Variants in MARCHF3 observed in about 807,000 individuals in gnomAD.
MARCHF3 encodes membrane associated ring-CH-type finger 3.
In MARCHF3, 13 loss-of-function variants were observed where a neutral mutation model predicts 24.2. That is an observed-to-expected ratio of 0.54 (90% CI 0.35 to 0.85). The LOEUF is 0.85. MARCHF3 is among the 40% of genes least tolerant of loss of function. The probability of loss-of-function intolerance (pLI) is 0.01; values close to 1 mark genes in which losing one functional copy is unlikely to be tolerated. For missense variants in MARCHF3, 276 were observed against 325.0 expected (o/e 0.85, Z 1.16); for synonymous variants, 144 against 137.3 (o/e 1.05, Z -0.34).
chr5:126,883,571 C>G (rs907494172), intron 3 of MARCHF3, among the ~76,000 whole-genome samples: 13 of 152,210 alleles, frequency 8.5e-5, no homozygotes, highest in African/African-American at 3.1e-4. Flanking sequence ...TACCTTGCCA[C>G]AGCATCATTC....
chr5:126,915,679 T>A (rs1390906550), intron 2 of MARCHF3, among the ~76,000 whole-genome samples: 7 of 152,188 alleles, frequency 4.6e-5, no homozygotes, highest in African/African-American at 1.7e-4. Context: ...TGGTGGATTG[T>A]CCTTTGAGCT....
intron 1 of MARCHF3, among the ~76,000 whole-genome samples, chr5:127,025,792 A>G (rs1752974782): frequency 6.6e-6 from 1 of 152,188 alleles, no homozygotes; most frequent in East Asian, 1.9e-4. Context: ...TACTACTGCT[A>G]TCATTAAATC....
intron 1 of MARCHF3, among the ~76,000 whole-genome samples, chr5:126,991,636 G>C (rs1320314711): frequency 6.6e-6 from 1 of 151,818 alleles, no homozygotes; most frequent in Admixed American, 6.6e-5. Flanking sequence ...CAGGAGAATC[G>C]CTTGAACCCA....
At chr5:126,917,866 A>C (rs1580640928) in intron 2 of MARCHF3, 118 bp downstream of exon 2, 12 of 946,796 alleles carry the variant, frequency 1.3e-5, no homozygotes, top group South Asian at 4.5e-5. Context: ...TTTTTCCAGC[A>C]CCTCCTCTCA....
intron 1 of MARCHF3, among the ~76,000 whole-genome samples, chr5:127,024,465 T>G (rs2126866088): frequency 6.6e-6 from 1 of 152,332 alleles, no homozygotes; most frequent in African/African-American, 2.4e-5. Context: ...ATAAGGGTTC[T>G]GCCTGAAGAA....
chr5:126,967,137 T>A (rs1344427025), intron 1 of MARCHF3, among the ~76,000 whole-genome samples: 3 of 151,682 alleles, frequency 2.0e-5, no homozygotes, highest in Non-Finnish European at 4.4e-5. Context: ...TCTGCTAAGA[T>A]AATCAAGTTA....
At chr5:126,965,822 G>T (rs1403314848) in intron 1 of MARCHF3, among the ~76,000 whole-genome samples, 1 of 152,284 alleles carries the variant, frequency 6.6e-6, no homozygotes, top group East Asian at 1.9e-4. Context: ...AAGGAGTTTG[G>T]CAGTCTCTTA....
At chr5:126,875,055 C>T (rs1753102644) in intron 4 of MARCHF3, among the ~76,000 whole-genome samples, 1 of 152,190 alleles carries the variant, frequency 6.6e-6, no homozygotes, top group South Asian at 2.1e-4. Context: ...CAATTCTCCT[C>T]CAAACTCCAA....
At chr5:126,944,498 G>A (rs115635177) in intron 1 of MARCHF3, among the ~76,000 whole-genome samples, 26 of 152,292 alleles carry the variant, frequency 1.7e-4, no homozygotes, top group African/African-American at 6.3e-4. Flanking sequence ...CAGGGGAACT[G>A]CTTGAGCCCA....
intron 1 of MARCHF3, among the ~76,000 whole-genome samples, chr5:126,927,579 G>A (rs1749337179): frequency 6.6e-6 from 1 of 152,124 alleles, no homozygotes. Context: ...GGTACAGAGT[G>A]GCCTCTCTTC....
chr5:126,969,942 G>T (rs1291754214), intron 1 of MARCHF3, among the ~76,000 whole-genome samples: 1 of 152,158 alleles, frequency 6.6e-6, no homozygotes, highest in Non-Finnish European at 1.5e-5. Context: ...GAAGCTAGGT[G>T]ACTCTCCTTG....
chr5:126,883,568 C>T (rs572762596), intron 3 of MARCHF3, among the ~76,000 whole-genome samples: 1 of 152,326 alleles, frequency 6.6e-6, no homozygotes, highest in East Asian at 1.9e-4. Flanking sequence ...TACTACCTTG[C>T]CACAGCATCA....
chr5:126,920,145 C>T (rs1561427810), intron 1 of MARCHF3, among the ~76,000 whole-genome samples: 3 of 151,904 alleles, frequency 2.0e-5, no homozygotes, highest in Admixed American at 1.3e-4. Context: ...TTCAGAAAAC[C>T]CCAGTAAATT....
At chr5:127,000,694 T>TTA (rs1014836361) in intron 1 of MARCHF3, among the ~76,000 whole-genome samples, 5 of 152,184 alleles carry the variant, frequency 3.3e-5, no homozygotes, top group African/African-American at 1.2e-4. Context: ...TTATTTTTAT[T>TTA]TTTATTTATT....
At chr5:126,984,755 C>T (rs1751504658) in intron 1 of MARCHF3, among the ~76,000 whole-genome samples, 1 of 152,168 alleles carries the variant, frequency 6.6e-6, no homozygotes, top group East Asian at 1.9e-4. Flanking sequence ...AGAGGATACT[C>T]CTATGCACTG....
intron 3 of MARCHF3, among the ~76,000 whole-genome samples, chr5:126,896,644 A>T (rs942833170): frequency 2.6e-5 from 4 of 152,112 alleles, no homozygotes; most frequent in African/African-American, 9.7e-5. Context: ...CTAACAAATC[A>T]TATCTACTGT....
rs761340536 is a variant in MARCHF3, at chr5:126,986,089, A to G, written c.-57+44261T>C. ...GTTCATTGTCAAATATTCCCCAAGG[A>G]TATGTACAGCATAGTGTAACATATG... On this transcript the variant is annotated intron_variant, in intron 1 of 4. Coordinates refer to ENST00000308660, the MANE Select transcript of MARCHF3 (RefSeq NM_178450.5). 1.3e-4 allele frequency among the ~76,000 whole-genome samples: 20 copies of G among 152,358 alleles called. No homozygotes were observed. In the South Asian group the frequency reaches 1.4e-3, roughly 11 times the overall value.
chr5:126,977,425 C>T (rs1023975589), intron 1 of MARCHF3, among the ~76,000 whole-genome samples: 3 of 152,288 alleles, frequency 2.0e-5, no homozygotes, highest in African/African-American at 7.2e-5. Flanking sequence ...CTACCCCCAA[C>T]CCATCTACCT....
rs367627291 is a variant in MARCHF3 at position 126,901,382 on chromosome 5, C to T, written c.393+13548G>A. 3.3e-5 allele frequency among the ~76,000 whole-genome samples: 5 copies of T among 152,178 alleles called. No individual in the cohort carries two copies. In the East Asian group the frequency reaches 9.6e-4, roughly 29 times the overall value. ...GATGGACTCACGTTAATTAATGCCA[C>T]TGGACTGGAATCAAGATCTGTGCCT... is the stretch of plus-strand genomic sequence containing the variant. On this transcript the variant is annotated intron_variant, in intron 3 of 4. Coordinates refer to ENST00000308660, the MANE Select transcript of MARCHF3 (RefSeq NM_178450.5).
Sources: allele counts gnomAD v4.1 joint callset (sites outside exome capture counted in the v4.1 genomes callset), GRCh38; gene constraint gnomAD v4.1.1; transcripts MANE v1.5; gene names NCBI Gene and HGNC (gene_info 2026-07-23, HGNC 2026-07-21).